NEURL1: variants seen among roughly 807,000 people sequenced by gnomAD.
NEURL1 encodes E3 ubiquitin-protein ligase NEURL1.
Under a neutral mutation model 41.2 loss-of-function variants are expected in NEURL1, and 26 were observed. The ratio of observed to expected loss-of-function variants is 0.63; its 90% confidence interval spans 0.46 to 0.87. The LOEUF (loss-of-function observed/expected upper bound fraction) is 0.87, where lower values mean the gene tolerates loss of function less well. NEURL1 is among the 40% of genes least tolerant of loss of function. The probability of loss-of-function intolerance (pLI) is 0.00; values close to 1 mark genes in which losing one functional copy is unlikely to be tolerated. For missense variants in NEURL1, 761 were observed against 871.1 expected (o/e 0.87, Z 1.59); for synonymous variants, 400 against 402.3 (o/e 0.99, Z 0.07).
At position 103,524,073 on chromosome 10, in the gene NEURL1, C is replaced by T. The variant is rs960305138; in HGVS notation, c.85+29601C>T. Among the ~76,000 whole-genome samples, 3 of 152,132 alleles carry T rather than the reference C, an allele frequency of 2.0e-5. No homozygotes were observed. In the East Asian group the frequency reaches 5.8e-4, roughly 29 times the overall value. The stretch of plus-strand genomic sequence containing the variant: ...CATTCCCGCCTGCAGAAAGAGTTCC[C>T]CTTTCTCTGCCTCCTTGCCAGCATT... On this transcript the variant is annotated intron_variant, in intron 1 of 5. Coordinates refer to ENST00000369780, the MANE Select transcript of NEURL1 (RefSeq NM_004210.5).
chr10:103,589,306 GCT>G (rs1407270946), intron 4 of NEURL1, among the ~76,000 whole-genome samples: 1 of 152,212 alleles, frequency 6.6e-6, no homozygotes, highest in Non-Finnish European at 1.5e-5. Context: ...CAGGCTGGGT[GCT>G]GTCTGGGGTC....
intron 3 of NEURL1, among the ~76,000 whole-genome samples, chr10:103,578,854 C>T (rs2035724047): frequency 6.6e-6 from 1 of 152,244 alleles, no homozygotes; most frequent in African/African-American, 2.4e-5. Context: ...CCCTCCCATG[C>T]CCCGTGCCAG....
intron 3 of NEURL1, among the ~76,000 whole-genome samples, chr10:103,583,496 G>T (rs942781582): frequency 2.6e-5 from 4 of 151,832 alleles, no homozygotes; most frequent in African/African-American, 9.7e-5. Context: ...CAGGAGGATC[G>T]CTTGAGCCTA....
rs544355476 is a variant in NEURL1 at position 103,526,891 on chromosome 10, T to C, written c.85+32419T>C. Among the ~76,000 whole-genome samples the C allele has an allele frequency of 7.2e-5, 11 of 152,132 alleles. No homozygotes were observed. The South Asian group carries it at 2.3e-3, about 32-fold the overall frequency. The stretch of plus-strand genomic sequence containing the variant: ...TTTGTTTGTGTATAGTTGTTTGTAA[T>C]AGTCTCTAATGATCCTTTGTATTTC... On this transcript the variant is annotated intron_variant, in intron 1 of 5. Transcript: ENST00000369780.
In NEURL1 at chr10:103,584,985, C is replaced by A; in HGVS notation, c.1099C>A (p.Pro367Thr). 6.5e-7 allele frequency: 1 copy of A among 1,538,716 alleles called. No individual in the cohort carries two copies. Among genetic ancestry groups the A allele is most frequent in the Non-Finnish European group, 8.7e-7 (1 of 1,152,338 alleles). Residue 367 changes from proline to threonine, a missense_variant, in exon 4 of 6, where the codon CCG becomes ACG. Pro to Thr is a conservative substitution (Grantham distance 38). This residue lies in a region of NEURL1 where 443 missense variants were observed against 408.1 expected (regional missense o/e 1.09). Coordinates refer to ENST00000369780, the MANE Select transcript of NEURL1 (RefSeq NM_004210.5). The part of the protein sequence containing the change: ...VTTCDPGTLR[P>T]ADLPFSPEAL... ...CACGTGCGACCCCGGCACGCTGCGG[C>A]CGGCCGACCTGCCTTTCAGCCCTGA...
chr10:103,521,612 C>T (rs1002392197), intron 1 of NEURL1, among the ~76,000 whole-genome samples: 2 of 152,110 alleles, frequency 1.3e-5, no homozygotes, highest in Non-Finnish European at 1.5e-5. Context: ...GGCTTGTAAC[C>T]AACCTAGAAG....
At chr10:103,505,963 A>AGGG (rs1320853263) in intron 1 of NEURL1, among the ~76,000 whole-genome samples, 1 of 152,200 alleles carries the variant, frequency 6.6e-6, no homozygotes, top group African/African-American at 2.4e-5. Context: ...GTGTGGGGAC[A>AGGG]GGGGAGGAGG....
chr10:103,547,588 G>T lies in NEURL1; in HGVS notation c.86-23284G>T, dbSNP rs1197240141. Among the ~76,000 whole-genome samples, 3 of 152,232 alleles carry T rather than the reference G, an allele frequency of 2.0e-5. No homozygotes were observed. In the East Asian group the frequency reaches 5.8e-4, roughly 29 times the overall value. On this transcript the variant is annotated intron_variant, in intron 1 of 5. Transcript: ENST00000369780. ...GAAGCAGAATCCCCAGAGGAAGGAG[G>T]GGGGCCTCCCAGCTTTGGGGTGGCT...
At chr10:103,527,847 G>A (rs760708655) in intron 1 of NEURL1, among the ~76,000 whole-genome samples, 1 of 152,146 alleles carries the variant, frequency 6.6e-6, no homozygotes, top group Non-Finnish European at 1.5e-5. Context: ...TCTAACTTCT[G>A]CTGGCTGAAT....
At chr10:103,505,853 C>G (rs56212516) in intron 1 of NEURL1, among the ~76,000 whole-genome samples, 17,868 of 152,252 alleles carry the variant, frequency 0.12, 1,458 homozygotes, top group Non-Finnish European at 0.18. Context: ...AAGGAACTTT[C>G]AGCAGAAAAT....
Position 103,551,405 on chromosome 10 carries a change from C to T in NEURL1, c.86-19467C>T, listed in dbSNP as rs78583291. 9.1e-3 allele frequency among the ~76,000 whole-genome samples: 1,341 copies of T among 148,032 alleles called. 11 individuals carry two copies. The highest frequency in any genetic ancestry group is 0.017 in the Admixed American group (248 of 14,960). ...GCAACCTCCACCTCCTGGGTTCACA[C>T]GATTCTCCTGCCTCAGCCTCCCCAG... On this transcript the variant is annotated intron_variant, in intron 1 of 5. Transcript: ENST00000369780.
intron 3 of NEURL1, among the ~76,000 whole-genome samples, chr10:103,573,782 G>A (rs1340099326): frequency 2.0e-5 from 3 of 152,198 alleles, no homozygotes; most frequent in Admixed American, 2.0e-4. Context: ...CAACATTCTT[G>A]CTTTTCCCTA....
intron 3 of NEURL1, among the ~76,000 whole-genome samples, chr10:103,575,709 G>A (rs1196027063): frequency 4.6e-5 from 7 of 152,130 alleles, no homozygotes; most frequent in Admixed American, 4.6e-4. Context: ...GCCCCAGCAG[G>A]CCCTCCTCCC....
Position 103,590,916 on chromosome 10 carries a change from C to T in NEURL1, c.*544C>T, listed in dbSNP as rs2036029895. The T allele has an allele frequency of 6.5e-6, 1 of 154,910 alleles. No individual in the cohort carries two copies. Among genetic ancestry groups the T allele is most frequent in the African/African-American group, 2.4e-5 (1 of 41,480 alleles). 9.6% of individuals were successfully genotyped at this position (154,910 alleles called of 1,614,324 possible). On this transcript the variant is annotated 3_prime_UTR_variant, in exon 6 of 6. Coordinates refer to ENST00000369780, the MANE Select transcript of NEURL1 (RefSeq NM_004210.5). ...GGGCAGGCCGCTCCTGAGCTGCTGT[C>T]TCCCTCTCTGACCTATGCCTACCTT...
chr10:103,526,261 T>C (rs943912516), intron 1 of NEURL1, among the ~76,000 whole-genome samples: 1 of 152,182 alleles, frequency 6.6e-6, no homozygotes, highest in Non-Finnish European at 1.5e-5. Flanking sequence ...TGAATAAGTT[T>C]AGAAGAATTC....
chr10:103,509,099 C>T (rs114221624), intron 1 of NEURL1, among the ~76,000 whole-genome samples: 1,857 of 152,098 alleles, frequency 0.012, 27 homozygotes, highest in African/African-American at 0.042. Flanking sequence ...GGTGTGGTGG[C>T]GCACACCTGT....
At chr10:103,582,191 C>T (rs181980306) in intron 3 of NEURL1, among the ~76,000 whole-genome samples, 2 of 152,236 alleles carry the variant, frequency 1.3e-5, no homozygotes, top group Admixed American at 1.3e-4. Context: ...TGTTACTGCC[C>T]CTTCCCCTCT....
intron 1 of NEURL1, among the ~76,000 whole-genome samples, chr10:103,516,162 A>G (rs2034199948): frequency 7.0e-6 from 1 of 142,576 alleles, no homozygotes; most frequent in Non-Finnish European, 1.5e-5. Flanking sequence ...TGGGAGGTGA[A>G]GGTTGCAGTG....
chr10:103,520,267 A>G (rs1397045841), intron 1 of NEURL1, among the ~76,000 whole-genome samples: 3 of 152,206 alleles, frequency 2.0e-5, no homozygotes, highest in African/African-American at 7.2e-5. Context: ...ATAAAGCTGT[A>G]TATTTCACCT....
Sources: gnomAD v4.1 joint callset for allele counts (sites outside exome capture counted in the v4.1 genomes callset) on GRCh38, gnomAD v4.1.1 for gene constraint, gnomAD v4.1.1 regional missense constraint, MANE v1.5 for transcripts, NCBI Gene and HGNC (gene_info 2026-07-23, HGNC 2026-07-21) for gene names.